The following CACNA1D variants were observed in gnomAD, a reference collection of about 807,000 sequenced individuals.
The protein encoded by CACNA1D is calcium voltage-gated channel subunit alpha1 D, also known as voltage-dependent L-type calcium channel subunit alpha-1D.
Under a neutral mutation model 257.1 loss-of-function variants are expected in CACNA1D, and 55 were observed. The ratio of observed to expected loss-of-function variants is 0.21; its 90% confidence interval spans 0.17 to 0.27. The LOEUF is 0.27. Among genes scored for constraint, CACNA1D ranks in the 10% least tolerant of loss-of-function variants. CACNA1D has a pLI of 1.00. For synonymous variants in CACNA1D, 980 were observed against 1,014.9 expected, an observed-to-expected ratio of 0.97 and a Z score of 0.65; for missense variants, 1,876 against 2,784.0, an observed-to-expected ratio of 0.67 and a Z score of 7.34.
rs1165358667 is a variant in CACNA1D at position 53,682,388 on chromosome 3, A to AAC, written c.1220+9263_1220+9264insCA. 1.7e-4 allele frequency among the ~76,000 whole-genome samples: 23 copies of AAC among 134,114 alleles called. 1 individual carries two copies. Among genetic ancestry groups the AAC allele is most frequent in the African/African-American group, 6.3e-4 (23 of 36,258 alleles). The allele number at this position is 134,114 out of a possible 152,430, so 88.0% of individuals were successfully genotyped here. On this transcript the variant is annotated intron_variant, in intron 8 of 47. Coordinates refer to ENST00000350061, the MANE Select transcript of CACNA1D (RefSeq NM_001128840.3). The stretch of plus-strand genomic sequence containing the variant: ...GGTAAAAAAAAAAAAAAAAAAAAAA[A>AAC]AAAAAAAACAGAAGTCTTTTTAGCT...
chr3:53,682,377 A>AAAAAAC (rs2094438940), intron 8 of CACNA1D, among the ~76,000 whole-genome samples: 1 of 142,054 alleles, frequency 7.0e-6, no homozygotes, highest in African/African-American at 2.7e-5. Context: ...AAAAAAAAAA[A>AAAAAAC]AAAAAAAAAA....
In CACNA1D at chr3:53,495,091, C is replaced by G; in HGVS notation, c.-76C>G. On this transcript the variant is annotated 5_prime_UTR_variant, in exon 1 of 48. Transcript: ENST00000350061. The surrounding 1 kb of genome is among the most constrained non-coding windows in gnomAD (Gnocchi z 5.1). ...CGCGGCTCCTACCTCTTGGTGATCC[C>G]CTTCCCCATTCCGCCCCCGCCTCAA... The G allele has an allele frequency of 1.8e-6, 2 of 1,123,512 alleles. 1 individual carries two copies. 69.6% of individuals were successfully genotyped at this position (1,123,512 alleles called of 1,614,324 possible). A position where few individuals can be genotyped will look rare whatever the true frequency, so the allele number is the denominator to read the frequency against.
chr3:53,699,838 T>G (rs1158158730), intron 8 of CACNA1D, among the ~76,000 whole-genome samples: 1 of 152,114 alleles, frequency 6.6e-6, no homozygotes, highest in African/African-American at 2.4e-5. Flanking sequence ...TTTTTACTCC[T>G]AGGAATTTTA....
intron 9 of CACNA1D, among the ~76,000 whole-genome samples, chr3:53,707,678 A>G (rs1226587053): frequency 6.6e-6 from 1 of 152,100 alleles, no homozygotes; most frequent in East Asian, 1.9e-4. Context: ...TCTCAAAGTG[A>G]TTTTTTTAGA....
intron 3 of CACNA1D, among the ~76,000 whole-genome samples, chr3:53,607,220 G>A (rs1052813140): frequency 5.9e-5 from 9 of 152,206 alleles, no homozygotes; most frequent in Non-Finnish European, 1.3e-4. Context: ...TTGTATGTAG[G>A]TGGGGTTTTG....
chr3:53,726,727 G>T, intron 14 of CACNA1D, 152 bp from the exon 15 acceptor site: 1 of 853,776 alleles, frequency 1.2e-6, no homozygotes, highest in African/African-American at 1.7e-5. Flanking sequence ...CAGTGTTTTA[G>T]AAATTCCATG....
chr3:53,582,235 T>C (rs950381416), intron 3 of CACNA1D, among the ~76,000 whole-genome samples: 1 of 152,154 alleles, frequency 6.6e-6, no homozygotes, highest in Non-Finnish European at 1.5e-5. Context: ...CAGTTGTTCA[T>C]TCCCCAGCAA....
intron 3 of CACNA1D, among the ~76,000 whole-genome samples, chr3:53,514,674 A>G (rs1300273999): frequency 6.6e-6 from 1 of 152,134 alleles, no homozygotes; most frequent in Non-Finnish European, 1.5e-5. Context: ...CCTGTGAGGT[A>G]GGTGTCGTTA....
At chr3:53,682,366 A>T (rs1182892517) in intron 8 of CACNA1D, among the ~76,000 whole-genome samples, 3 of 24,198 alleles carry the variant, frequency 1.2e-4, no homozygotes, top group East Asian at 3.1e-3. Context: ...TGTCTCTGGT[A>T]AAAAAAAAAA....
Position 53,811,453 on chromosome 3 carries a change from A to G in CACNA1D, c.*47A>G. 6.8e-7 allele frequency: 1 copy of G among 1,474,984 alleles called. No individual in the cohort carries two copies. The allele number at this position is 1,474,984 out of a possible 1,614,324, so 91.4% of individuals were successfully genotyped here. A position where few individuals can be genotyped will look rare whatever the true frequency, so the allele number is the denominator to read the frequency against. On this transcript the variant is annotated 3_prime_UTR_variant, in exon 48 of 48. Transcript: ENST00000350061. This position sits in a 1 kb window ranked among gnomAD's most constrained non-coding sequence, Gnocchi z 4.2. ...GCTCTGGCCTCAGGTGGGGCGCAGG[A>G]GAGCCAGGGGAAAAGTGCCTCATAG... is the stretch of plus-strand genomic sequence containing the variant.
rs532785632 is a variant in CACNA1D at position 53,684,451 on chromosome 3, G to T, written c.1220+11325G>T. ...AGCCTGACCAACATGGAGAAACCCCGTCTCTACTAAAAATACAAAAAATTA... is the reference window on the plus strand; with the variant it reads ...AGCCTGACCAACATGGAGAAACCCCTTCTCTACTAAAAATACAAAAAATTA... On this transcript the variant is annotated intron_variant, in intron 8 of 47. Coordinates refer to ENST00000350061, the MANE Select transcript of CACNA1D (RefSeq NM_001128840.3). 2.6e-4 allele frequency among the ~76,000 whole-genome samples: 39 copies of T among 151,990 alleles called. No individual in the cohort carries two copies. The East Asian group carries it at 6.4e-3, about 25-fold the overall frequency.
At chr3:53,731,932 T>C in intron 17 of CACNA1D, 84 bp from the exon 18 acceptor site, 1 of 874,820 alleles carries the variant, frequency 1.1e-6, no homozygotes. Context: ...CCATGCCCTA[T>C]GCTGGACCAC....
At chr3:53,725,085 A>G (rs1445484973) in intron 14 of CACNA1D, among the ~76,000 whole-genome samples, 1 of 151,810 alleles carries the variant, frequency 6.6e-6, no homozygotes, top group Non-Finnish European at 1.5e-5. Context: ...AGCCAGCCAC[A>G]AATTTCCTCT....
chr3:53,555,566 C>G (rs914963374), intron 3 of CACNA1D, among the ~76,000 whole-genome samples: 3 of 150,052 alleles, frequency 2.0e-5, no homozygotes, highest in African/African-American at 7.4e-5. Context: ...AAACCTGAGG[C>G]CCACAGCCCT....
chr3:53,711,473 T>C (rs565583455), intron 9 of CACNA1D, among the ~76,000 whole-genome samples: 1 of 152,360 alleles, frequency 6.6e-6, no homozygotes, highest in South Asian at 2.1e-4. Flanking sequence ...GCCCAAGTCA[T>C]GGCAGTGGTT....
chr3:53,615,759 A>G (rs1015862433), intron 3 of CACNA1D, among the ~76,000 whole-genome samples: 2 of 151,836 alleles, frequency 1.3e-5, no homozygotes, highest in Non-Finnish European at 1.5e-5. Flanking sequence ...ACAGAATTCT[A>G]CTCTTCAGGT....
chr3:53,735,619 C>G, intron 20 of CACNA1D, 116 bp downstream of exon 20: 1 of 1,177,028 alleles, frequency 8.5e-7, no homozygotes, highest in Non-Finnish European at 1.2e-6. Flanking sequence ...TAGGTCTTTC[C>G]TTCAGCTGGG....
At chr3:53,555,967 C>T (rs2092637915) in intron 3 of CACNA1D, among the ~76,000 whole-genome samples, 1 of 152,188 alleles carries the variant, frequency 6.6e-6, no homozygotes, top group Non-Finnish European at 1.5e-5. Context: ...TATCCTGCCT[C>T]TTGTAGTCCT....
intron 3 of CACNA1D, among the ~76,000 whole-genome samples, chr3:53,556,339 G>T (rs1351080147): frequency 6.6e-6 from 1 of 152,120 alleles, no homozygotes; most frequent in Non-Finnish European, 1.5e-5. Flanking sequence ...TTCTAAAATG[G>T]CTGTACCATT....
Sources: gnomAD v4.1 joint callset for allele counts (sites outside exome capture counted in the v4.1 genomes callset) on GRCh38, gnomAD v4.1.1 for gene constraint, Gnocchi (gnomAD v3.1) non-coding constraint, MANE v1.5 for transcripts, NCBI Gene and HGNC (gene_info 2026-07-23, HGNC 2026-07-21) for gene names.